The following CCNE2 variants were observed in gnomAD, a reference collection of about 807,000 sequenced individuals.
The protein encoded by CCNE2 is G1/S-specific cyclin-E2.
A neutral mutation model predicts 56.8 loss-of-function variants in CCNE2; 18 were observed. The ratio of observed to expected loss-of-function variants is 0.32; its 90% CI spans 0.22 to 0.47. The LOEUF (loss-of-function observed/expected upper bound fraction) is 0.47, where lower values mean the gene tolerates loss of function less well. Ranked by LOEUF, CCNE2 falls within the 20% of genes least tolerant of loss-of-function variation. The pLI is 1.00. For missense variants in CCNE2, 371 were observed against 467.1 expected, an observed-to-expected ratio of 0.79 and a Z score of 1.90; for synonymous variants, 139 against 149.2, an observed-to-expected ratio of 0.93 and a Z score of 0.50.
intron 1 of CCNE2, 123 bp downstream of exon 1, chr8:94,895,054 C>T (rs1455081838): frequency 1.7e-5 from 7 of 417,868 alleles, no homozygotes; most frequent in Admixed American, 6.4e-5. Context: ...AACCCATGAC[C>T]CCCAGTCGTC....
At chr8:94,895,349 G>T, upstream of CCNE2, 1 of 722,534 alleles carries the variant, frequency 1.4e-6, no homozygotes, top group African/African-American at 1.9e-5. Flanking sequence ...CTCAGTGCGC[G>T]CCCGCCACCC....
At chr8:94,894,862 G>A (rs963278693) in intron 1 of CCNE2, among the ~76,000 whole-genome samples, 3 of 152,228 alleles carry the variant, frequency 2.0e-5, no homozygotes, top group Admixed American at 1.3e-4. Flanking sequence ...AAAGAAAGGG[G>A]AGACTGGGCT....
intron 9 of CCNE2, 134 bp downstream of exon 9, chr8:94,884,933 G>A (rs1342118145): frequency 1.3e-5 from 9 of 697,310 alleles, no homozygotes; most frequent in Admixed American, 3.0e-5. Context: ...AGAACTTTAT[G>A]CGTCAAAAGT....
chr8:94,892,191 T>A (rs1817273648), intron 5 of CCNE2: 1 of 429,820 alleles, frequency 2.3e-6, no homozygotes, highest in South Asian at 1.9e-5. Context: ...ACATAAGGCA[T>A]GTGATCACAG....
chr8:94,881,645 G>C lies in CCNE2; in HGVS notation c.1202C>G (p.Pro401Arg). ...TAGTTATCTTCTTTAGTGTTTTCCT[G>C]GTGGTTTTTCAGTGCTCTTCGGTGG... ...MTPPKSTEKP[P>R]GKH Residue 401 changes from proline (P) to arginine (R), a missense_variant, in exon 12 of 12, where the codon CCA becomes CGA. Coordinates refer to ENST00000308108, the MANE Select transcript of CCNE2 (RefSeq NM_057749.3). 1 of 1,612,680 alleles carries C rather than the reference G, an allele frequency of 6.2e-7. No individual in the cohort carries two copies. Among genetic ancestry groups the C allele is most frequent in the Non-Finnish European group, 8.5e-7 (1 of 1,179,540 alleles).
chr8:94,885,556 T>A lies in CCNE2; in HGVS notation c.603A>T (p.Glu201Asp). ...TSLFIASKLE[E>D]IYAPKLQEFA... ...ACTCTTGGAGTTTAGGAGCATAGAT[T>A]TCCTTTAAATTGTAATATTTTTATT... The change falls in exon 8 of 12, where the codon GAA (glutamate) becomes GAT (aspartate). Residue 201 changes from glutamate to aspartate, a missense_variant and splice_region_variant. Transcript: ENST00000308108. 6.4e-7 allele frequency: 1 copy of A among 1,566,660 alleles called. No homozygotes were observed. Among genetic ancestry groups the A allele is most frequent in the Non-Finnish European group, 8.7e-7 (1 of 1,144,344 alleles).
chr8:94,890,396 T>C lies in CCNE2; in HGVS notation c.453+19A>G. The C allele has an allele frequency of 6.5e-7, 1 of 1,542,524 alleles. No individual in the cohort carries two copies. Among genetic ancestry groups the C allele is most frequent in the Non-Finnish European group, 8.7e-7 (1 of 1,146,158 alleles). The stretch of plus-strand genomic sequence containing the variant: ...TCCATCATACAGAGACAAAGGAAAT[T>C]TGTATTGCTGTAACATACCTCTAAA... On this transcript the variant is annotated intron_variant, in intron 6 of 11. Coordinates refer to ENST00000308108, the MANE Select transcript of CCNE2 (RefSeq NM_057749.3).
intron 3 of CCNE2, 31 bp downstream of exon 3, chr8:94,893,992 T>G: frequency 6.2e-7 from 1 of 1,613,822 alleles, no homozygotes; most frequent in African/African-American, 1.3e-5. Context: ...CAGCATGGAA[T>G]TTCGTTCCTC....
intron 4 of CCNE2, 170 bp downstream of exon 4, chr8:94,893,721 T>G: frequency 1.5e-6 from 1 of 653,692 alleles, no homozygotes; most frequent in South Asian, 2.0e-5. Flanking sequence ...GTAGTAGGAT[T>G]CGGGCACATA....
intron 5 of CCNE2, chr8:94,891,672 A>AC: frequency 5.7e-6 from 3 of 530,638 alleles, no homozygotes; most frequent in South Asian, 2.0e-5. Flanking sequence ...AAAAAAAAAA[A>AC]AAAAAAAACA....
Position 94,894,022 on chromosome 8 carries a change from C to T in CCNE2, c.111+1G>A. 1 of 1,613,862 alleles carries T rather than the reference C, an allele frequency of 6.2e-7. No individual in the cohort carries two copies. Among genetic ancestry groups the T allele is most frequent in the South Asian group, 1.1e-5 (1 of 91,066 alleles). On this transcript the variant is annotated splice_donor_variant, in intron 3 of 11. Coordinates refer to ENST00000308108, the MANE Select transcript of CCNE2 (RefSeq NM_057749.3). LOFTEE classifies it high-confidence loss of function. The stretch of plus-strand genomic sequence containing the variant: ...TTCCTCCCTCTTTCTCCTTAAATCA[C>T]CTGGGTAGTTTTCCTCTTCTTGGCC...
rs1371744097 is a variant in CCNE2 at position 94,881,127 on chromosome 8, CCTT to C, written c.*502_*504del. The C allele has an allele frequency of 2.5e-6, 1 of 395,836 alleles. No homozygotes were observed. Among genetic ancestry groups the C allele is most frequent in the Non-Finnish European group, 4.5e-6 (1 of 224,672 alleles). The allele number at this position is 395,836 out of a possible 1,614,324, so 24.5% of individuals were successfully genotyped here. A position where few individuals can be genotyped will look rare whatever the true frequency, so the allele number is the denominator to read the frequency against. On this transcript the variant is annotated 3_prime_UTR_variant, in exon 12 of 12. Transcript: ENST00000308108. Reference sequence around the variant, plus strand: ...ATAGCAGCTATAGATAAATTAGTCACCTTATTACAAAACTAAACCTTTGTAAAC... The same window carrying C: ...ATAGCAGCTATAGATAAATTAGTCACATTACAAAACTAAACCTTTGTAAAC...
intron 5 of CCNE2, chr8:94,891,955 C>A: frequency 9.1e-7 from 1 of 1,095,632 alleles, no homozygotes; most frequent in Non-Finnish European, 1.4e-6. Context: ...AGCTCATGGT[C>A]GGATTAACTC....
chr8:94,882,941 T>A, intron 9 of CCNE2, 49 bp from the exon 10 acceptor site: 1 of 1,212,540 alleles, frequency 8.2e-7, no homozygotes, highest in Non-Finnish European at 1.2e-6. Context: ...AGATGAGTAC[T>A]AAATGTCTCT....
chr8:94,885,988 GGATTAA>G (rs1817024418), intron 7 of CCNE2, among the ~76,000 whole-genome samples: 1 of 151,968 alleles, frequency 6.6e-6, no homozygotes, highest in Non-Finnish European at 1.5e-5. Context: ...CAAAGTGCTG[GGATTAA>G]CCACTGCACC....
intron 4 of CCNE2, 29 bp from the exon 5 acceptor site, chr8:94,892,998 T>C (rs1817300569): frequency 3.9e-6 from 6 of 1,519,348 alleles, no homozygotes; most frequent in Non-Finnish European, 5.2e-6. Context: ...AAAATATCAA[T>C]TTGTGCAAGG....
intron 4 of CCNE2, 137 bp downstream of exon 4, chr8:94,893,754 C>T: frequency 1.2e-6 from 1 of 857,224 alleles, no homozygotes; most frequent in Non-Finnish European, 1.8e-6. Flanking sequence ...AGATAGGCGC[C>T]TTCCTGCTGA....
chr8:94,882,381 A>G (rs1006619067), intron 10 of CCNE2, 92 bp from the exon 11 acceptor site: 9 of 1,073,806 alleles, frequency 8.4e-6, no homozygotes, highest in Non-Finnish European at 1.2e-5. Flanking sequence ...TGTTTTTGAG[A>G]TATTTTAAAA....
chr8:94,886,038 T>G (rs1817025896), intron 7 of CCNE2, among the ~76,000 whole-genome samples: 3 of 152,142 alleles, frequency 2.0e-5, no homozygotes, highest in Non-Finnish European at 4.4e-5. Context: ...TTAACAGTAT[T>G]TTCAACCTAA....
Sources: gnomAD v4.1 joint callset for allele counts (sites outside exome capture counted in the v4.1 genomes callset) on GRCh38, gnomAD v4.1.1 for gene constraint, MANE v1.5 for transcripts, NCBI Gene and HGNC (gene_info 2026-07-23, HGNC 2026-07-21) for gene names.